Variants in NOS1 observed in about 807,000 individuals in gnomAD.
NOS1 encodes the protein NOS type I.
A neutral mutation model predicts 164.5 loss-of-function variants in NOS1; 51 were observed. The observed-to-expected ratio is 0.31, with a 90% CI of 0.25 to 0.39. NOS1 has a LOEUF of 0.39. NOS1 is among the 10% of genes least tolerant of loss of function. The pLI, the probability that NOS1 is intolerant of heterozygous loss-of-function variation, is 1.00. For synonymous variants in NOS1, 719 were observed against 745.8 expected (o/e 0.96, Z 0.59); for missense variants, 1,362 against 1,885.6 (o/e 0.72, Z 5.14).
At chr12:117,229,199 T>TTGAAACTGACATCACC (rs74263399) in intron 22 of NOS1, among the ~76,000 whole-genome samples, 3 of 152,192 alleles carry the variant, frequency 2.0e-5, no homozygotes, top group Admixed American at 1.3e-4. Context: ...TCTCAACTCT[T>TTGAAACTGACATCACC]TGAAACTGAC....
In NOS1 at chr12:117,265,412, G is replaced by A. The variant is rs746867262; in HGVS notation, c.2040C>T (p.Asp680=). The A allele has an allele frequency of 8.8e-6, 14 of 1,596,826 alleles. No homozygotes were observed. The highest frequency in any genetic ancestry group is 8.0e-5 in the African/African-American group (6 of 74,770). ...ACATGGGGGGCACGATCCACACCCA[G>A]TCGGCAGGGCAGCCCCCCCGGCAGC... The part of the protein sequence containing the change: ...EYRCRGGCPA[D]WVWIVPPMSG... Residue 680 remains aspartate, a synonymous_variant, in exon 12 of 29, where the codon GAC becomes GAT. Coordinates refer to ENST00000317775, the MANE Select transcript of NOS1 (RefSeq NM_000620.5).
chr12:117,343,380 C>G (rs1190342275), intron 1 of NOS1, among the ~76,000 whole-genome samples: 1 of 152,102 alleles, frequency 6.6e-6, no homozygotes, highest in East Asian at 1.9e-4. Flanking sequence ...TAGTTGTGGT[C>G]TAGTATATTG....
chr12:117,330,783 A>C lies in NOS1; in HGVS notation c.287T>G (p.Ile96Ser), dbSNP rs754008946. 35 of 1,613,992 alleles carry C rather than the reference A, an allele frequency of 2.2e-5. No individual in the cohort carries two copies. The East Asian group carries it at 7.6e-4, about 35-fold the overall frequency. ...GIASETHVVL[I>S]LRGPEGFTTH... ...GGTGAAACCTTCAGGGCCCCTCAGA[A>C]TGAGGACCACGTGGGTCTCAGAGGC... Residue 96 changes from isoleucine to serine, a missense_variant, in exon 2 of 29, where the codon ATT becomes AGT. By Grantham distance (142) the Ile-to-Ser change is moderately radical (BLOSUM62 -2). Coordinates refer to ENST00000317775, the MANE Select transcript of NOS1 (RefSeq NM_000620.5). The surrounding 1 kb of genome is among the most constrained non-coding windows in gnomAD (Gnocchi z 4.6).
intron 28 of NOS1, among the ~76,000 whole-genome samples, chr12:117,217,021 C>T (rs9658550): frequency 0.018 from 2,732 of 152,078 alleles, 34 homozygotes; most frequent in South Asian, 0.069. Flanking sequence ...GGGACTGGGG[C>T]GGGGAGCACT....
rs767679892 is a variant in NOS1, at chr12:117,280,833, G to C, written c.1416C>G (p.Asp472Glu). ...SAITIFPQRTDGKHDFRVWNS... is the reference protein window; with the variant it reads ...SAITIFPQRTEGKHDFRVWNS... ...TCCAGACTCGGAAGTCGTGCTTGCC[G>C]TCTGTCCTCTGGGGGAATATGGTGA... Residue 472 changes from aspartate (D) to glutamate (E), a missense_variant, in exon 8 of 29, where the codon GAC (aspartate) becomes GAG (glutamate). This residue lies in a region of NOS1 where 134 missense variants were observed against 267.3 expected (regional missense o/e 0.50). Coordinates refer to ENST00000317775, the MANE Select transcript of NOS1 (RefSeq NM_000620.5). 3.7e-6 allele frequency: 6 copies of C among 1,614,018 alleles called. No homozygotes were observed. In the East Asian group the frequency reaches 1.3e-4, roughly 36 times the overall value.
At chr12:117,256,123 G>A (rs1871423984) in intron 16 of NOS1, 2 of 654,668 alleles carry the variant, frequency 3.1e-6, no homozygotes, top group Non-Finnish European at 4.9e-6. Flanking sequence ...GGATGGGGTG[G>A]GAAGGAGAGA....
In NOS1 at chr12:117,324,557, C is replaced by G. The variant is rs1007127335; in HGVS notation, c.725+5788G>C. On this transcript the variant is annotated intron_variant, in intron 2 of 28. Transcript: ENST00000317775. The stretch of plus-strand genomic sequence containing the variant: ...CCAGCCTGGGCAACATGATGAAACC[C>G]TGTTTCTACAAAAAATATAAAACAA... 2.6e-5 allele frequency among the ~76,000 whole-genome samples: 4 copies of G among 152,120 alleles called. 1 individual carries two copies. The South Asian group carries it at 8.3e-4, about 32-fold the overall frequency.
At chr12:117,341,083 A>G (rs969873990) in intron 1 of NOS1, among the ~76,000 whole-genome samples, 1 of 151,978 alleles carries the variant, frequency 6.6e-6, no homozygotes, top group Non-Finnish European at 1.5e-5. Context: ...GTGCCCAGGA[A>G]ATGGATCCTT....
rs754746053 is a variant in NOS1, at chr12:117,268,061, C to T, written c.1923G>A (p.Ala641=). Residue 641 remains alanine (A), a synonymous_variant, in exon 11 of 29, where the codon GCG becomes GCA. Transcript: ENST00000317775. ...GTGTTACCTGGAAGCTATAGAGAAC[C>T]GCGATATTGATCTCCACCAGCGCCT... is the stretch of plus-strand genomic sequence containing the variant. The part of the protein sequence containing the change: ...KDQALVEINI[A]VLYSFQSDKV... 51 of 1,613,236 alleles carry T rather than the reference C, an allele frequency of 3.2e-5. No individual in the cohort carries two copies. Among genetic ancestry groups the T allele is most frequent in the African/African-American group, 9.3e-5 (7 of 74,868 alleles).
At chr12:117,280,618 C>T in intron 8 of NOS1, 107 bp downstream of exon 8, 1 of 1,128,340 alleles carries the variant, frequency 8.9e-7, no homozygotes, top group East Asian at 2.4e-5. Flanking sequence ...AGTAAATGAC[C>T]CCATCAGCGG....
At chr12:117,285,383 T>C in intron 6 of NOS1, 51 bp from the exon 7 acceptor site, 3 of 1,262,202 alleles carry the variant, frequency 2.4e-6, no homozygotes, top group Non-Finnish European at 3.4e-6. Context: ...CCTCCCCAGC[T>C]CCCCCAGCGC....
chr12:117,217,530 C>G (rs997328750), intron 28 of NOS1, among the ~76,000 whole-genome samples: 1 of 152,076 alleles, frequency 6.6e-6, no homozygotes, highest in African/African-American at 2.4e-5. Flanking sequence ...CATGGCGAAA[C>G]CCCGTCTCTA....
At chr12:117,309,216 G>T (rs1874308552) in intron 3 of NOS1, 1 of 353,764 alleles carries the variant, frequency 2.8e-6, no homozygotes, top group Non-Finnish European at 4.0e-6. Flanking sequence ...GACTTTTGAG[G>T]ACAACATAAT....
chr12:117,332,892 T>A (rs1397280400), intron 1 of NOS1, among the ~76,000 whole-genome samples: 1 of 152,184 alleles, frequency 6.6e-6, no homozygotes, highest in Non-Finnish European at 1.5e-5. Flanking sequence ...ATCAAATTTA[T>A]ATTCTAGTTA....
intron 1 of NOS1, among the ~76,000 whole-genome samples, chr12:117,351,031 G>A (rs1248548856): frequency 1.3e-5 from 2 of 152,102 alleles, no homozygotes; most frequent in African/African-American, 2.4e-5. Flanking sequence ...GGAGAATGGC[G>A]TGAACCCGGG....
intron 20 of NOS1, among the ~76,000 whole-genome samples, chr12:117,236,058 AAAAC>A (rs1049941233): frequency 7.9e-5 from 12 of 152,156 alleles, no homozygotes; most frequent in Non-Finnish European, 1.5e-4. Context: ...CCCAACCCAA[AAAAC>A]AAACAAACCC....
At chr12:117,300,929 G>C (rs1423822263) in intron 3 of NOS1, among the ~76,000 whole-genome samples, 7 of 152,182 alleles carry the variant, frequency 4.6e-5, no homozygotes, top group Admixed American at 2.6e-4. Flanking sequence ...GATGGACTCT[G>C]CCAAAGCCAG....
At position 117,337,104 on chromosome 12, in the gene NOS1, C is replaced by CTATTT. The variant is rs1566082153; in HGVS notation, c.-420-5616_-420-5615insAAATA. On this transcript the variant is annotated intron_variant, in intron 1 of 28. Coordinates refer to ENST00000317775, the MANE Select transcript of NOS1 (RefSeq NM_000620.5). ...AGCCACTGTACCCAGCTGCTTTTTA[C>CTATTT]TCTTTTTTTTTTTTTTTTTTTTTTT... 8.5e-5 allele frequency among the ~76,000 whole-genome samples: 8 copies of CTATTT among 94,074 alleles called. 1 individual carries two copies. The highest frequency in any genetic ancestry group is 1.6e-4 in the African/African-American group (4 of 25,536). 61.7% of individuals were successfully genotyped at this position (94,074 alleles called of 152,430 possible).
At position 117,214,585 on chromosome 12, in the gene NOS1, CA is replaced by C. The variant is rs1282605259; in HGVS notation, c.*723del. On this transcript the variant is annotated 3_prime_UTR_variant, in exon 29 of 29. Coordinates refer to ENST00000317775, the MANE Select transcript of NOS1 (RefSeq NM_000620.5). ...CAGCAAATTCTGGGAATGCCTCTTT[CA>C]TTGGGAGACAGCCCCTTTAATCAAT... 7 of 985,446 alleles carry C rather than the reference CA, an allele frequency of 7.1e-6. No homozygotes were observed. Among genetic ancestry groups the C allele is most frequent in the Non-Finnish European group, 8.4e-6 (7 of 829,958 alleles). 61.0% of individuals were successfully genotyped at this position (985,446 alleles called of 1,614,324 possible).
Sources: gnomAD v4.1 joint callset for allele counts (sites outside exome capture counted in the v4.1 genomes callset) on GRCh38, gnomAD v4.1.1 for gene constraint, gnomAD v4.1.1 regional missense constraint, Gnocchi (gnomAD v3.1) non-coding constraint, MANE v1.5 for transcripts, NCBI Gene and HGNC (gene_info 2026-07-23, HGNC 2026-07-21) for gene names.